Variants in SDK2 observed in about 807,000 individuals in gnomAD.
SDK2 encodes sidekick cell adhesion molecule 2.
In SDK2, 105 loss-of-function variants were observed where a neutral mutation model predicts 253.9. The observed-to-expected ratio is 0.41, with a 90% CI of 0.35 to 0.49. The LOEUF (loss-of-function observed/expected upper bound fraction) is 0.49. SDK2 is among the 20% of genes least tolerant of loss of function. SDK2 has a pLI of 0.06. For synonymous variants in SDK2, 1,249 were observed against 1,234.9 expected (o/e 1.01, Z -0.24); for missense variants, 2,608 against 3,003.0 (o/e 0.87, Z 3.07).
intron 1 of SDK2, among the ~76,000 whole-genome samples, chr17:73,601,783 G>A (rs1331557383): frequency 2.0e-5 from 3 of 151,144 alleles, no homozygotes; most frequent in South Asian, 4.2e-4. Flanking sequence ...CTGCTTTTTC[G>A]CCCAGGCTGG....
chr17:73,388,460 C>T (rs2145490340), intron 29 of SDK2, among the ~76,000 whole-genome samples: 1 of 152,320 alleles, frequency 6.6e-6, no homozygotes, highest in African/African-American at 2.4e-5. Flanking sequence ...TCCTTCTCTC[C>T]CCAGCCTCGC....
rs371297812 is a variant in SDK2, at chr17:73,642,903, G to T, written c.64+1122C>A. ...TGGATTGCCTGGCGCACGAGGCGGCGTGGGGAGTGGGTTGCAGCCCCCACA... is the reference window on the plus strand; with the variant it reads ...TGGATTGCCTGGCGCACGAGGCGGCTTGGGGAGTGGGTTGCAGCCCCCACA... On this transcript the variant is annotated intron_variant, in intron 1 of 44. Transcript: ENST00000392650. The surrounding 1 kb of genome is among the most constrained non-coding windows in gnomAD (Gnocchi z 4.7). 1 of 152,340 alleles carries T rather than the reference G, an allele frequency of 6.6e-6. No homozygotes were observed. Among genetic ancestry groups the T allele is most frequent in the East Asian group, 1.9e-4 (1 of 5,180 alleles). The allele number at this position is 152,340 out of a possible 1,614,324, so 9.4% of individuals were successfully genotyped here.
chr17:73,388,155 A>G (rs1486670816), intron 29 of SDK2, 118 bp from the exon 30 acceptor site: 9 of 707,672 alleles, frequency 1.3e-5, no homozygotes, highest in Non-Finnish European at 1.9e-5. Flanking sequence ...TCCCCTTCCC[A>G]TCCCAATTCC....
At position 73,511,313 on chromosome 17, in the gene SDK2, T is replaced by C. The variant is rs989304590; in HGVS notation, c.65-3716A>G. ...AGAGGGGCTGGGCAGTGTGTGTATC[T>C]GCATGCACACATGTGCATATGTGTG... is the stretch of plus-strand genomic sequence containing the variant. On this transcript the variant is annotated intron_variant, in intron 1 of 44. Transcript: ENST00000392650. The surrounding 1 kb of genome is among the most constrained non-coding windows in gnomAD (Gnocchi z 4.9). Among the ~76,000 whole-genome samples the C allele has an allele frequency of 2.0e-5, 3 of 152,234 alleles. No individual in the cohort carries two copies. Among genetic ancestry groups the C allele is most frequent in the Non-Finnish European group, 4.4e-5 (3 of 68,038 alleles).
chr17:73,500,338 C>T (rs1599624723), intron 2 of SDK2, among the ~76,000 whole-genome samples: 1 of 141,110 alleles, frequency 7.1e-6, no homozygotes, highest in African/African-American at 2.7e-5. Flanking sequence ...CCCTCCATCT[C>T]CTCCATCCTC....
At chr17:73,393,242 C>CAAAAAAAAAAAAAAA (rs11443969) in intron 27 of SDK2, among the ~76,000 whole-genome samples, 1 of 85,544 alleles carries the variant, frequency 1.2e-5, no homozygotes, top group Non-Finnish European at 2.2e-5. Context: ...GATACTCTAT[C>CAAAAAAAAAAAAAAA]AAAAAAAAAA....
intron 1 of SDK2, among the ~76,000 whole-genome samples, chr17:73,533,775 C>T (rs1475247286): frequency 6.6e-6 from 1 of 151,380 alleles, no homozygotes; most frequent in Admixed American, 6.6e-5. Flanking sequence ...GGTTCCCTGT[C>T]ACCAGCAGGC....
intron 1 of SDK2, among the ~76,000 whole-genome samples, chr17:73,554,810 T>C (rs977713095): frequency 3.3e-4 from 51 of 152,252 alleles, no homozygotes; most frequent in African/African-American, 1.1e-3. Flanking sequence ...GTGGAGCTCT[T>C]GGGCATCCTT....
chr17:73,542,217 G>C (rs200926822), intron 1 of SDK2, among the ~76,000 whole-genome samples: 1 of 152,224 alleles, frequency 6.6e-6, no homozygotes, highest in Non-Finnish European at 1.5e-5. Flanking sequence ...TCCCATCCCT[G>C]GTGCCTTCTG....
intron 2 of SDK2, among the ~76,000 whole-genome samples, chr17:73,485,445 G>A (rs1447752874): frequency 6.6e-6 from 1 of 152,182 alleles, no homozygotes; most frequent in Non-Finnish European, 1.5e-5. Flanking sequence ...GGATAACGGG[G>A]AGGCTGGACT....
At chr17:73,399,983 G>A (rs1204418394) in intron 21 of SDK2, among the ~76,000 whole-genome samples, 1 of 152,188 alleles carries the variant, frequency 6.6e-6, no homozygotes, top group Non-Finnish European at 1.5e-5. Flanking sequence ...GAGTCAACGT[G>A]AGCAAAGCTC....
chr17:73,625,812 T>C (rs373752918), intron 1 of SDK2, among the ~76,000 whole-genome samples: 4 of 152,056 alleles, frequency 2.6e-5, no homozygotes, highest in Admixed American at 2.0e-4. Context: ...ACCTGGCTAA[T>C]TTTTGTATTT....
intron 32 of SDK2, among the ~76,000 whole-genome samples, chr17:73,385,360 A>C (rs1230393725): frequency 2.0e-5 from 3 of 152,090 alleles, no homozygotes; most frequent in Non-Finnish European, 4.4e-5. Context: ...GAAGGGGGGC[A>C]TTTCTCTCTA....
intron 1 of SDK2, among the ~76,000 whole-genome samples, chr17:73,531,750 T>C (rs1219124721): frequency 6.6e-6 from 1 of 152,208 alleles, no homozygotes; most frequent in Admixed American, 6.5e-5. Context: ...ACATAGCTCT[T>C]TTTGTCACTG....
intron 36 of SDK2, among the ~76,000 whole-genome samples, chr17:73,370,083 G>A (rs545499027): frequency 7.9e-5 from 12 of 152,306 alleles, no homozygotes; most frequent in Admixed American, 3.3e-4. Context: ...GGCCAATGAG[G>A]TTTCTGCATG....
Position 73,642,889 on chromosome 17 carries a change from G to A in SDK2, c.64+1136C>T, listed in dbSNP as rs1353865581. The A allele has an allele frequency of 6.6e-6, 1 of 152,148 alleles. No individual in the cohort carries two copies. Among genetic ancestry groups the A allele is most frequent in the African/African-American group, 2.4e-5 (1 of 41,378 alleles). The allele number at this position is 152,148 out of a possible 1,614,324, so 9.4% of individuals were successfully genotyped here. On this transcript the variant is annotated intron_variant, in intron 1 of 44. Coordinates refer to ENST00000392650, the MANE Select transcript of SDK2 (RefSeq NM_001144952.2). The surrounding 1 kb of genome is among the most constrained non-coding windows in gnomAD (Gnocchi z 4.7). ...TGATCTTGGCTCTCTGGATTGCCTG[G>A]CGCACGAGGCGGCGTGGGGAGTGGG...
chr17:73,452,962 G>A (rs1374053788), intron 4 of SDK2, among the ~76,000 whole-genome samples: 1 of 152,146 alleles, frequency 6.6e-6, no homozygotes, highest in Non-Finnish European at 1.5e-5. Context: ...GTTTTATTGA[G>A]CATTAAGTTA....
At chr17:73,601,610 C>T (rs1455778505) in intron 1 of SDK2, among the ~76,000 whole-genome samples, 1 of 152,162 alleles carries the variant, frequency 6.6e-6, no homozygotes, top group Non-Finnish European at 1.5e-5. Flanking sequence ...CATCTCTCGG[C>T]TAAGGCATGT....
intron 2 of SDK2, among the ~76,000 whole-genome samples, chr17:73,478,488 A>G (rs1217702289): frequency 1.3e-5 from 2 of 152,196 alleles, no homozygotes; most frequent in African/African-American, 4.8e-5. Context: ...CGTCATCTCC[A>G]TCACAGATTG....
Sources: allele counts gnomAD v4.1 joint callset (sites outside exome capture counted in the v4.1 genomes callset), GRCh38; gene constraint gnomAD v4.1.1; non-coding constraint Gnocchi (gnomAD v3.1); transcripts MANE v1.5; gene names NCBI Gene and HGNC (gene_info 2026-07-23, HGNC 2026-07-21).